Variants in MRPL22 observed in about 807,000 individuals in gnomAD.
The protein encoded by MRPL22 is large ribosomal subunit protein uL22m.
A neutral mutation model predicts 32.4 loss-of-function variants in MRPL22; 27 were observed. The observed-to-expected ratio is 0.83, with a 90% CI of 0.61 to 1.15. The LOEUF is 1.15. Among genes scored for constraint, MRPL22 ranks in the 50% most tolerant of loss-of-function variants. The probability of loss-of-function intolerance (pLI) is 0.00; values close to 1 mark genes in which losing one functional copy is unlikely to be tolerated. For synonymous variants in MRPL22, 86 were observed against 87.3 expected (o/e 0.99, Z 0.08); for missense variants, 239 against 260.2 (o/e 0.92, Z 0.56).
Position 154,967,405 on chromosome 5 carries a change from T to C in MRPL22, c.*508T>C, listed in dbSNP as rs1194677888. 1 of 152,942 alleles carries C rather than the reference T, an allele frequency of 6.5e-6. No homozygotes were observed. Among genetic ancestry groups the C allele is most frequent in the African/African-American group, 2.4e-5 (1 of 41,474 alleles). 9.5% of individuals were successfully genotyped at this position (152,942 alleles called of 1,614,324 possible). A position where few individuals can be genotyped will look rare whatever the true frequency, so the allele number is the denominator to read the frequency against. On this transcript the variant is annotated 3_prime_UTR_variant, in exon 7 of 7. Transcript: ENST00000523037. This position sits in a 1 kb window ranked among gnomAD's most constrained non-coding sequence, Gnocchi z 4.7. ...AAAATTATATTTTCCTTTACTGTTTTAGCAGTAACTCGAAACTACAGGAGT... is the reference window on the plus strand; with the variant it reads ...AAAATTATATTTTCCTTTACTGTTTCAGCAGTAACTCGAAACTACAGGAGT...
intron 6 of MRPL22, among the ~76,000 whole-genome samples, chr5:154,963,183 C>A (rs1286634691): frequency 6.6e-6 from 1 of 152,212 alleles, no homozygotes; most frequent in African/African-American, 2.4e-5. Context: ...AGGTGATCCA[C>A]CTGCCTCGGC....
intron 3 of MRPL22, among the ~76,000 whole-genome samples, chr5:154,952,915 C>T (rs749697381): frequency 1.3e-5 from 2 of 152,066 alleles, no homozygotes; most frequent in African/African-American, 2.4e-5. Context: ...GAGCAAAACC[C>T]GTAGCAGTAA....
intron 6 of MRPL22, among the ~76,000 whole-genome samples, chr5:154,960,937 T>C (rs1230930010): frequency 1.3e-5 from 2 of 152,204 alleles, no homozygotes; most frequent in African/African-American, 4.8e-5. Flanking sequence ...CTTAAAGCTA[T>C]TTTAAATTCA....
chr5:154,958,669 C>T (rs967408668), intron 5 of MRPL22, among the ~76,000 whole-genome samples: 4 of 151,380 alleles, frequency 2.6e-5, no homozygotes, highest in Non-Finnish European at 5.9e-5. Flanking sequence ...CTCAGCCTAC[C>T]GAGTAGCTGG....
In MRPL22 at chr5:154,963,064, G is replaced by A. The variant is rs183116243; in HGVS notation, c.409+3015G>A. Among the ~76,000 whole-genome samples the A allele has an allele frequency of 3.2e-3, 481 of 152,220 alleles. 4 individuals are homozygous for A. Among genetic ancestry groups the A allele is most frequent in the Non-Finnish European group, 5.9e-3 (400 of 68,010 alleles). ...AGCAATTCTTGTGCCTCAGCCTCCC[G>A]AGTAGCTGGGACTACAGGCATGCAT... On this transcript the variant is annotated intron_variant, in intron 6 of 6. Transcript: ENST00000523037.
intron 6 of MRPL22, among the ~76,000 whole-genome samples, chr5:154,960,521 G>C (rs537381539): frequency 6.6e-6 from 1 of 152,322 alleles, no homozygotes; most frequent in East Asian, 1.9e-4. Context: ...CTGTTGAATT[G>C]TAAAAGCCAA....
At chr5:154,949,583 CTT>C (rs1261306396) in intron 2 of MRPL22, among the ~76,000 whole-genome samples, 3 of 152,028 alleles carry the variant, frequency 2.0e-5, no homozygotes, top group African/African-American at 2.4e-5. Context: ...TCAGGGGAAT[CTT>C]TATTTTATCT....
chr5:154,949,633 A>G (rs1460700704), intron 2 of MRPL22, among the ~76,000 whole-genome samples: 1 of 152,228 alleles, frequency 6.6e-6, no homozygotes, highest in Admixed American at 6.5e-5. Flanking sequence ...GATGAAAATC[A>G]TTGGGAAGTT....
intron 2 of MRPL22, among the ~76,000 whole-genome samples, chr5:154,946,005 G>T (rs1406550006): frequency 6.6e-6 from 1 of 152,054 alleles, no homozygotes; most frequent in Non-Finnish European, 1.5e-5. Flanking sequence ...TTCAGTTCAT[G>T]AATTATTTGA....
chr5:154,956,429 C>G lies in MRPL22; in HGVS notation c.254C>G (p.Ala85Gly). 6.2e-7 allele frequency: 1 copy of G among 1,603,196 alleles called. No homozygotes were observed. The highest frequency in any genetic ancestry group is 8.5e-7 in the Non-Finnish European group (1 of 1,171,236). The change falls in exon 4 of 7, where the codon GCA becomes GGA. Residue 85 changes from alanine to glycine, a missense_variant. Physicochemically the swap from Ala to Gly is moderately conservative, Grantham distance 60. Transcript: ENST00000523037. ...AGCAAAGACAAGATGTGGTATTTGG[C>G]AAAATTGGTAAGCTGCAATGACTAT... The part of the protein sequence containing the change: ...KYSKDKMWYL[A>G]KLIRGMSIDQ...
At chr5:154,956,997 C>A (rs1157684846) in intron 4 of MRPL22, 138 bp from the exon 5 acceptor site, 8 of 723,766 alleles carry the variant, frequency 1.1e-5, no homozygotes, top group African/African-American at 3.5e-5. Context: ...TCCTCTCAAA[C>A]TTGTTTTCTT....
chr5:154,955,974 A>C (rs905437337), intron 3 of MRPL22: 20 of 188,958 alleles, frequency 1.1e-4, no homozygotes, highest in Admixed American at 9.6e-4. Context: ...TTCACATGAA[A>C]ACACTTGTCC....
intron 2 of MRPL22, among the ~76,000 whole-genome samples, chr5:154,946,024 A>G (rs767914986): frequency 6.6e-6 from 1 of 152,172 alleles, no homozygotes; most frequent in South Asian, 2.1e-4. Flanking sequence ...GAGTCCTGAA[A>G]GTATTATAAG....
chr5:154,943,654 A>G (rs1764450353), intron 2 of MRPL22, among the ~76,000 whole-genome samples: 1 of 147,986 alleles, frequency 6.8e-6, no homozygotes, highest in East Asian at 1.9e-4. Flanking sequence ...GTATATACAC[A>G]CACATATATA....
rs201895595 is a variant in MRPL22 at position 154,941,101 on chromosome 5, A to T, written c.-10A>T. On this transcript the variant is annotated 5_prime_UTR_variant, in exon 1 of 7. Coordinates refer to ENST00000523037, the MANE Select transcript of MRPL22 (RefSeq NM_014180.4). ...TGAACTCGGCGGCTTCCGTAGCGGGAGGGCGAAAGATGGCGGCGGCAGTAC... is the reference window on the plus strand; with the variant it reads ...TGAACTCGGCGGCTTCCGTAGCGGGTGGGCGAAAGATGGCGGCGGCAGTAC... 1.1e-5 allele frequency: 18 copies of T among 1,613,590 alleles called. No individual in the cohort carries two copies. The highest frequency in any genetic ancestry group is 1.8e-4 in the Middle Eastern group (1 of 5,644).
chr5:154,941,119 G>C lies in MRPL22; in HGVS notation c.9G>C (p.Ala3=), dbSNP rs1243111354. ...TAGCGGGAGGGCGAAAGATGGCGGC[G>C]GCAGTACTGGGACAGTTGGGTAAGG... The part of the protein sequence containing the change: MA[A]AVLGQLGALW... The change falls in exon 1 of 7, where the codon GCG becomes GCC. Residue 3 remains alanine (A), a synonymous_variant. Transcript: ENST00000523037. The C allele has an allele frequency of 6.2e-7, 1 of 1,613,966 alleles. No individual in the cohort carries two copies. Among genetic ancestry groups the C allele is most frequent in the South Asian group, 1.1e-5 (1 of 91,070 alleles).
intron 3 of MRPL22, among the ~76,000 whole-genome samples, chr5:154,954,987 C>A (rs150347002): frequency 0.12 from 18,287 of 151,256 alleles, 1,398 homozygotes; most frequent in African/African-American, 0.21. Context: ...TTAGTAGAGA[C>A]GGGGTTTCAC....
chr5:154,961,690 C>CT (rs910283364), intron 6 of MRPL22, among the ~76,000 whole-genome samples: 3 of 151,966 alleles, frequency 2.0e-5, no homozygotes, highest in African/African-American at 7.2e-5. Context: ...TTTATTTTAT[C>CT]TTTTTTTATT....
intron 3 of MRPL22, among the ~76,000 whole-genome samples, chr5:154,952,922 GTAAAT>G (rs1764582185): frequency 6.6e-6 from 1 of 152,174 alleles, no homozygotes; most frequent in African/African-American, 2.4e-5. Flanking sequence ...ACCCGTAGCA[GTAAAT>G]AAAAATGAAT....
Sources: gnomAD v4.1 joint callset for allele counts (sites outside exome capture counted in the v4.1 genomes callset) on GRCh38, gnomAD v4.1.1 for gene constraint, Gnocchi (gnomAD v3.1) non-coding constraint, MANE v1.5 for transcripts, NCBI Gene and HGNC (gene_info 2026-07-23, HGNC 2026-07-21) for gene names.